Variants in TENM2 observed in about 807,000 individuals in gnomAD.
The protein encoded by TENM2 is teneurin transmembrane protein 2.
Under a neutral mutation model 245.2 loss-of-function variants are expected in TENM2, and 52 were observed. The observed-to-expected ratio is 0.21, with a 90% confidence interval of 0.17 to 0.27. The LOEUF (loss-of-function observed/expected upper bound fraction) is 0.27, where lower values mean the gene tolerates loss of function less well. Ranked by LOEUF, TENM2 falls within the 10% of genes least tolerant of loss-of-function variation. The pLI, the probability that TENM2 is intolerant of heterozygous loss-of-function variation, is 1.00. For missense variants in TENM2, 3,046 were observed against 3,666.8 expected (o/e 0.83, Z 4.37); for synonymous variants, 1,363 against 1,438.9 (o/e 0.95, Z 1.19).
chr5:167,484,846 A>G (rs959348239), intron 2 of TENM2, among the ~76,000 whole-genome samples: 2 of 152,180 alleles, frequency 1.3e-5, no homozygotes, highest in Non-Finnish European at 2.9e-5. Flanking sequence ...TCCTCCTAAA[A>G]TGCTTAAGAT....
At chr5:167,034,066 AC>A in the TENM2 span, among the ~76,000 whole-genome samples, 7 of 152,184 alleles carry the variant, frequency 4.6e-5, no homozygotes, top group Non-Finnish European at 7.3e-5. Flanking sequence ...TGAAGGAAAC[AC>A]CCATCTTTCT....
intron 2 of TENM2, among the ~76,000 whole-genome samples, chr5:167,758,610 CT>C (rs910638420): frequency 3.3e-5 from 5 of 151,968 alleles, no homozygotes; most frequent in South Asian, 2.1e-4. Flanking sequence ...ATCACTTCCA[CT>C]TTTTTTTAGC....
rs538251292 is a variant in TENM2, at chr5:167,922,421, C to T, written c.713-30167C>T. On this transcript the variant is annotated intron_variant, in intron 3 of 28. Transcript: ENST00000518659. The stretch of plus-strand genomic sequence containing the variant: ...TGAATCACCATATCTCCCTAGAACC[C>T]AATTCAACCATGTTCCTTTTCTTTC... Among the ~76,000 whole-genome samples, 18 of 152,254 alleles carry T rather than the reference C, an allele frequency of 1.2e-4. No homozygotes were observed. The South Asian group carries it at 3.7e-3, about 32-fold the overall frequency.
intron 1 of TENM2, among the ~76,000 whole-genome samples, chr5:167,310,091 A>G (rs1245613676): frequency 6.6e-6 from 1 of 152,198 alleles, no homozygotes; most frequent in African/African-American, 2.4e-5. Flanking sequence ...CATATTGGAA[A>G]CAGATTTACT....
chr5:167,180,320 G>C, the TENM2 span, among the ~76,000 whole-genome samples: 1 of 152,034 alleles, frequency 6.6e-6, no homozygotes, highest in South Asian at 2.1e-4. Flanking sequence ...CGTTGGTCAG[G>C]CTGGTCTCGA....
At chr5:168,062,152 A>G in exon 7 of TENM2, 1 of 1,613,198 alleles carries the variant, frequency 6.2e-7, no homozygotes, top group Non-Finnish European at 8.5e-7. Context: ...GGTGTTTTGG[A>G]GGTCACAAAT....
At chr5:167,152,611 G>C in the TENM2 span, among the ~76,000 whole-genome samples, 2 of 152,038 alleles carry the variant, frequency 1.3e-5, no homozygotes, top group Non-Finnish European at 2.9e-5. Flanking sequence ...CTTATTCCTG[G>C]GGGATATATT....
At chr5:167,218,371 A>AT in the TENM2 span, among the ~76,000 whole-genome samples, 5 of 151,958 alleles carry the variant, frequency 3.3e-5, no homozygotes, top group Non-Finnish European at 7.4e-5. Context: ...TAATTTTTAA[A>AT]TTTTTTTTCC....
At chr5:167,813,990 A>G (rs935811104) in intron 2 of TENM2, among the ~76,000 whole-genome samples, 4 of 152,128 alleles carry the variant, frequency 2.6e-5, no homozygotes, top group African/African-American at 9.7e-5. Context: ...TTCTCATCCC[A>G]GCTTCTCATC....
the TENM2 span, among the ~76,000 whole-genome samples, chr5:167,004,113 C>CCAA: frequency 6.6e-6 from 1 of 152,118 alleles, no homozygotes; most frequent in Non-Finnish European, 1.5e-5. Flanking sequence ...TCTGGATTTT[C>CCAA]CAACATAATG....
chr5:167,701,937 A>C (rs1385232553), intron 2 of TENM2, among the ~76,000 whole-genome samples: 5 of 152,200 alleles, frequency 3.3e-5, no homozygotes, highest in Admixed American at 6.5e-5. Flanking sequence ...ATTTTCTATC[A>C]GTTCCTTCTA....
At chr5:167,084,991 A>G in the TENM2 span, among the ~76,000 whole-genome samples, 1 of 152,172 alleles carries the variant, frequency 6.6e-6, no homozygotes, top group African/African-American at 2.4e-5. Flanking sequence ...AGAATTATTT[A>G]TTATCAAATT....
chr5:167,317,696 C>A (rs1756456436), intron 1 of TENM2, among the ~76,000 whole-genome samples: 1 of 152,124 alleles, frequency 6.6e-6, no homozygotes, highest in Admixed American at 6.6e-5. Flanking sequence ...GAAGCTGAAA[C>A]CACAGGTAAA....
intron 2 of TENM2, among the ~76,000 whole-genome samples, chr5:167,521,800 GT>G (rs1770773431): frequency 6.6e-6 from 1 of 152,060 alleles, no homozygotes; most frequent in African/African-American, 2.4e-5. Flanking sequence ...ATACAGCACT[GT>G]GTTAGCCAGT....
chr5:167,613,709 A>G (rs1777612571), intron 2 of TENM2, among the ~76,000 whole-genome samples: 1 of 152,070 alleles, frequency 6.6e-6, no homozygotes, highest in Non-Finnish European at 1.5e-5. Flanking sequence ...TTTAAAACAT[A>G]TACATCCTCC....
intron 6 of TENM2, 102 bp from the exon 9 acceptor site, chr5:168,061,958 A>T: frequency 1.9e-6 from 2 of 1,073,934 alleles, no homozygotes; most frequent in Non-Finnish European, 2.6e-6. Context: ...TCTTAATATT[A>T]AAACAACAAC....
chr5:168,171,675 G>T (rs542931948), intron 13 of TENM2, among the ~76,000 whole-genome samples: 24 of 152,220 alleles, frequency 1.6e-4, no homozygotes, highest in African/African-American at 5.3e-4. Flanking sequence ...TGGTTATTAA[G>T]TGTCTCTTAA....
intron 7 of TENM2, among the ~76,000 whole-genome samples, chr5:168,082,468 T>C (rs1179721963): frequency 6.6e-6 from 1 of 152,218 alleles, no homozygotes; most frequent in East Asian, 1.9e-4. Flanking sequence ...CCAGCTTTGT[T>C]GCGTTGCTGG....
chr5:167,389,787 T>G (rs1761650870), intron 2 of TENM2, among the ~76,000 whole-genome samples: 1 of 152,190 alleles, frequency 6.6e-6, no homozygotes, highest in East Asian at 1.9e-4. Context: ...ACGGAATCCT[T>G]GAGCTCAGGA....
Sources: allele counts gnomAD v4.1 joint callset (sites outside exome capture counted in the v4.1 genomes callset), GRCh38; gene constraint gnomAD v4.1.1; transcripts MANE v1.5; gene names NCBI Gene and HGNC (gene_info 2026-07-23, HGNC 2026-07-21).